The following HLCS variants were observed in gnomAD, a reference collection of about 807,000 sequenced individuals.
The protein encoded by HLCS is holocarboxylase synthetase.
A neutral mutation model predicts 75.0 loss-of-function variants in HLCS; 53 were observed. The observed-to-expected ratio is 0.71, with a 90% CI of 0.57 to 0.89. The LOEUF (loss-of-function observed/expected upper bound fraction) is 0.89. Ranked by LOEUF, HLCS falls within the 40% of genes least tolerant of loss-of-function variation. The probability of loss-of-function intolerance (pLI) is 0.00; values close to 1 mark genes in which losing one functional copy is unlikely to be tolerated. For synonymous variants in HLCS, 431 were observed against 428.6 expected (o/e 1.01, Z -0.07); for missense variants, 966 against 1,074.0 (o/e 0.90, Z 1.41).
chr21:36,972,487 A>G (rs930201048), intron 1 of HLCS, among the ~76,000 whole-genome samples: 4 of 152,116 alleles, frequency 2.6e-5, no homozygotes, highest in Admixed American at 2.6e-4. Flanking sequence ...CAGAATGACA[A>G]TAAGTAGGAT....
intron 6 of HLCS, among the ~76,000 whole-genome samples, chr21:36,845,541 G>A (rs890817800): frequency 6.6e-6 from 1 of 152,110 alleles, no homozygotes; most frequent in Non-Finnish European, 1.5e-5. Flanking sequence ...GGTATGCAAG[G>A]CTCATTCATG....
chr21:36,840,011 T>C (rs1331792713), intron 6 of HLCS, among the ~76,000 whole-genome samples: 2 of 152,228 alleles, frequency 1.3e-5, no homozygotes, highest in African/African-American at 4.8e-5. Flanking sequence ...CTTCAAAACA[T>C]AAACAAACTA....
At chr21:36,760,568 C>T (rs1700036836) in intron 8 of HLCS, among the ~76,000 whole-genome samples, 1 of 151,568 alleles carries the variant, frequency 6.6e-6, no homozygotes, top group Non-Finnish European at 1.5e-5. Context: ...CGAGATCGTG[C>T]CACTGCACTC....
chr21:36,831,793 G>C (rs759740189), intron 6 of HLCS, among the ~76,000 whole-genome samples: 1 of 152,192 alleles, frequency 6.6e-6, no homozygotes, highest in African/African-American at 2.4e-5. Context: ...TCTCCTTTAT[G>C]AGTAGAAGGG....
At chr21:36,988,992 A>AT (rs200128461) in intron 1 of HLCS, among the ~76,000 whole-genome samples, 2,205 of 149,184 alleles carry the variant, frequency 0.015, 28 homozygotes, top group South Asian at 0.026. Context: ...ATGGTAGGGG[A>AT]TTTTTTTTTC....
chr21:36,896,143 A>T (rs562500659), intron 6 of HLCS, among the ~76,000 whole-genome samples: 2 of 152,362 alleles, frequency 1.3e-5, no homozygotes, highest in East Asian at 3.9e-4. Flanking sequence ...TGAACCCAGG[A>T]GTTCGAGGCC....
intron 1 of HLCS, among the ~76,000 whole-genome samples, chr21:36,985,314 T>C (rs1445923602): frequency 6.6e-6 from 1 of 152,260 alleles, no homozygotes; most frequent in Admixed American, 6.5e-5. Context: ...AGTTCCTTAG[T>C]CTTTCATGAC....
chr21:36,986,284 G>A (rs1441582380), intron 1 of HLCS, among the ~76,000 whole-genome samples: 1 of 152,124 alleles, frequency 6.6e-6, no homozygotes, highest in Non-Finnish European at 1.5e-5. Context: ...GAACCATAAG[G>A]CAAATACATT....
chr21:36,957,162 T>G (rs2068009221), intron 2 of HLCS, among the ~76,000 whole-genome samples: 1 of 151,986 alleles, frequency 6.6e-6, no homozygotes, highest in South Asian at 2.1e-4. Flanking sequence ...AGGTGGGGCC[T>G]GTGGGGGAAG....
In HLCS at chr21:36,977,824, G is replaced by A. The variant is rs181984990; in HGVS notation, c.-393+12334C>T. On this transcript the variant is annotated intron_variant, in intron 1 of 11. Coordinates refer to the HLCS transcript ENST00000336648. ...TAGCATCCACCTGGTGTGGGTGGGC[G>A]GGTTCACAGAGAACAGCCACACAGG... Among the ~76,000 whole-genome samples the A allele has an allele frequency of 4.2e-3, 644 of 152,204 alleles. 2 individuals carry two copies. Among genetic ancestry groups the A allele is most frequent in the Middle Eastern group, 0.027 (8 of 294 alleles).
chr21:36,881,865 A>C (rs1411028685), intron 6 of HLCS, among the ~76,000 whole-genome samples: 1 of 152,164 alleles, frequency 6.6e-6, no homozygotes, highest in Admixed American at 6.5e-5. Flanking sequence ...CTTTACAGGC[A>C]TGGTGGCACG....
At chr21:36,828,071 C>G (rs112908943) in intron 6 of HLCS, among the ~76,000 whole-genome samples, 7,816 of 152,144 alleles carry the variant, frequency 0.051, 325 homozygotes, top group South Asian at 0.17. Context: ...CCTTGGCCCC[C>G]CAAAGTGCTG....
At chr21:36,901,025 C>G (rs2065215632) in intron 5 of HLCS, among the ~76,000 whole-genome samples, 1 of 152,086 alleles carries the variant, frequency 6.6e-6, no homozygotes. Flanking sequence ...CTTTGGGAGG[C>G]CCAGGCAGTC....
intron 6 of HLCS, among the ~76,000 whole-genome samples, chr21:36,840,737 C>T (rs992475292): frequency 2.6e-5 from 4 of 152,046 alleles, no homozygotes; most frequent in Admixed American, 6.5e-5. Context: ...CTCAGCCTCC[C>T]GAATAGCTGG....
chr21:36,824,761 T>C (rs1479402259), intron 6 of HLCS, among the ~76,000 whole-genome samples: 1 of 152,050 alleles, frequency 6.6e-6, no homozygotes, highest in Non-Finnish European at 1.5e-5. Flanking sequence ...CTAACATAAT[T>C]AACAAAATGA....
rs1160029299 is a variant in HLCS, at chr21:36,926,646, T to C, written c.1620+3605A>G. On this transcript the variant is annotated intron_variant, in intron 5 of 10. Transcript: ENST00000674895. ...TAATCATTATAGAAAATTTGGAAAA[T>C]ACAGAGAAAGTTTTAAAAGATTATT... Among the ~76,000 whole-genome samples the C allele has an allele frequency of 2.0e-5, 3 of 151,730 alleles. No individual in the cohort carries two copies. In the East Asian group the frequency reaches 5.8e-4, roughly 29 times the overall value.
chr21:36,777,292 T>C (rs1474251772), intron 6 of HLCS, among the ~76,000 whole-genome samples: 2 of 152,238 alleles, frequency 1.3e-5, no homozygotes, highest in Non-Finnish European at 2.9e-5. Flanking sequence ...ACCGGTATTT[T>C]TACTCTCTCT....
At chr21:36,904,210 C>T (rs2065355300) in intron 5 of HLCS, among the ~76,000 whole-genome samples, 1 of 152,218 alleles carries the variant, frequency 6.6e-6, no homozygotes, top group Admixed American at 6.5e-5. Context: ...ACATACACTT[C>T]TCTTTGGCAA....
At position 36,936,472 on chromosome 21, in the gene HLCS, C is replaced by T. The variant is rs748444836; in HGVS notation, c.1414G>A (p.Gly472Arg). The change falls in exon 4 of 11, where the codon GGG (glycine) becomes AGG (arginine). Residue 472 changes from glycine (G) to arginine (R), a missense_variant. Transcript: ENST00000674895. ...ACCTGGCAAAGAACAGCTTCTCCCC[C>T]GCGAGTTCCAAAAGGCACATGCACA... ...MIVHVPFGTR[G>R]GEAVLCQVHL... 20 of 1,614,024 alleles carry T rather than the reference C, an allele frequency of 1.2e-5. No homozygotes were observed. The highest frequency in any genetic ancestry group is 8.8e-5 in the South Asian group (8 of 91,094).
Sources: gnomAD v4.1 joint callset for allele counts (sites outside exome capture counted in the v4.1 genomes callset) on GRCh38, gnomAD v4.1.1 for gene constraint, MANE v1.5 for transcripts, NCBI Gene and HGNC (gene_info 2026-07-23, HGNC 2026-07-21) for gene names.